Variants in ACER3 observed in about 807,000 individuals in gnomAD.
ACER3 encodes alkCDase 3.
Under a neutral mutation model 48.9 loss-of-function variants are expected in ACER3, and 16 were observed. That is an observed-to-expected ratio of 0.33 (90% confidence interval 0.22 to 0.50). The LOEUF is 0.50. Among genes scored for constraint, ACER3 ranks in the 20% least tolerant of loss-of-function variants. The pLI is 0.98. For synonymous variants in ACER3, 109 were observed against 107.8 expected, an observed-to-expected ratio of 1.01 and a Z score of -0.07; for missense variants, 227 against 326.0, an observed-to-expected ratio of 0.70 and a Z score of 2.34.
chr11:76,978,237 C>T (rs1948494730), intron 4 of ACER3, among the ~76,000 whole-genome samples: 1 of 152,236 alleles, frequency 6.6e-6, no homozygotes, highest in Admixed American at 6.5e-5. Flanking sequence ...GGGGGCCAGG[C>T]TGTCATTTCC....
In ACER3 at chr11:77,021,094, G is replaced by A. The variant is rs183692122; in HGVS notation, c.*767G>A. 1.1e-4 allele frequency: 17 copies of A among 152,346 alleles called. No individual in the cohort carries two copies. The highest frequency in any genetic ancestry group is 3.1e-4 in the African/African-American group (13 of 41,572). The allele number at this position is 152,346 out of a possible 1,614,324, so 9.4% of individuals were successfully genotyped here. A position where few individuals can be genotyped will look rare whatever the true frequency, so the allele number is the denominator to read the frequency against. ...AGCCAGCTCTGCTCTGATCTTTGCA[G>A]ATCTTTAAGTTGTCACTGTTTCTAC... On this transcript the variant is annotated 3_prime_UTR_variant, in exon 11 of 11. Transcript: ENST00000532485.
At chr11:76,895,628 TGA>T (rs1223749009) in intron 1 of ACER3, among the ~76,000 whole-genome samples, 3 of 152,178 alleles carry the variant, frequency 2.0e-5, no homozygotes, top group African/African-American at 7.2e-5. Context: ...ATTTGCAAAA[TGA>T]GGAAAATTGA....
chr11:76,974,801 A>G (rs1948399102), intron 3 of ACER3, among the ~76,000 whole-genome samples: 1 of 152,146 alleles, frequency 6.6e-6, no homozygotes, highest in Non-Finnish European at 1.5e-5. Flanking sequence ...ATTTTATGGT[A>G]TGTAAGTTAT....
chr11:76,912,150 C>T (rs370648556), intron 1 of ACER3, among the ~76,000 whole-genome samples: 4 of 152,144 alleles, frequency 2.6e-5, no homozygotes, highest in African/African-American at 9.7e-5. Flanking sequence ...ATTAAATCTA[C>T]TGGAATTAGA....
In ACER3 at chr11:76,875,107, C is replaced by CTTTTTTTTTTTTTTTTT. The variant is rs10676364; in HGVS notation, c.103+14038_103+14054dup. Among the ~76,000 whole-genome samples the CTTTTTTTTTTTTTTTTT allele has an allele frequency of 8.6e-4, 67 of 78,158 alleles. 18 individuals carry two copies. The highest frequency in any genetic ancestry group is 1.1e-3 in the African/African-American group (30 of 27,872). 51.3% of individuals were successfully genotyped at this position (78,158 alleles called of 152,430 possible). A position where few individuals can be genotyped will look rare whatever the true frequency, so the allele number is the denominator to read the frequency against. On this transcript the variant is annotated intron_variant, in intron 1 of 10. Coordinates refer to ENST00000532485, the MANE Select transcript of ACER3 (RefSeq NM_018367.7). ...TTCTAACATGGCATGAAAAGCACTT[C>CTTTTTTTTTTTTTTTTT]TTTTTTTTTTTTTTTTTTTTTTTTT...
intron 1 of ACER3, among the ~76,000 whole-genome samples, chr11:76,900,007 A>C (rs1946039896): frequency 6.6e-6 from 1 of 152,206 alleles, no homozygotes; most frequent in Non-Finnish European, 1.5e-5. Flanking sequence ...TCTTATAATA[A>C]AGTAAGTGAA....
intron 3 of ACER3, among the ~76,000 whole-genome samples, chr11:76,971,724 C>A (rs533280326): frequency 3.3e-5 from 5 of 152,132 alleles, no homozygotes; most frequent in Admixed American, 2.6e-4. Context: ...GTTATGGTAG[C>A]AAGACTGGTT....
intron 1 of ACER3, among the ~76,000 whole-genome samples, chr11:76,889,972 A>G (rs551153629): frequency 2.0e-4 from 30 of 151,992 alleles, no homozygotes; most frequent in Admixed American, 1.7e-3. Flanking sequence ...TAATTTCAGT[A>G]TATTTCATTT....
At chr11:77,011,427 T>G in intron 7 of ACER3, 1 of 953,686 alleles carries the variant, frequency 1.0e-6, no homozygotes, top group Non-Finnish European at 1.2e-6. Flanking sequence ...CCACTGATCA[T>G]ATTCCTGTCA....
intron 1 of ACER3, among the ~76,000 whole-genome samples, chr11:76,919,801 A>C: frequency 6.6e-6 from 1 of 152,300 alleles, no homozygotes; most frequent in East Asian, 1.9e-4. Flanking sequence ...AAAAAGGGGG[A>C]AATCCATTAT....
At chr11:76,867,488 AAAAAAAAAAG>A (rs1314876261) in intron 1 of ACER3, among the ~76,000 whole-genome samples, 7 of 123,938 alleles carry the variant, frequency 5.6e-5, no homozygotes, top group Admixed American at 2.4e-4. Flanking sequence ...AAAAAAAAAA[AAAAAAAAAAG>A]AAAGAAAAGT....
intron 1 of ACER3, among the ~76,000 whole-genome samples, chr11:76,910,428 C>G (rs1176729750): frequency 2.6e-5 from 4 of 151,996 alleles, no homozygotes; most frequent in African/African-American, 7.2e-5. Context: ...ATATTTCACC[C>G]TATCAGAATA....
chr11:77,000,913 A>C (rs560201041), intron 7 of ACER3, among the ~76,000 whole-genome samples: 1 of 152,208 alleles, frequency 6.6e-6, no homozygotes, highest in South Asian at 2.1e-4. Flanking sequence ...TTTCCATATA[A>C]AGTTTAGAAT....
intron 1 of ACER3, among the ~76,000 whole-genome samples, chr11:76,904,512 C>G (rs527308089): frequency 6.6e-6 from 1 of 152,268 alleles, no homozygotes; most frequent in Non-Finnish European, 1.5e-5. Flanking sequence ...CCCTCTGTCT[C>G]CCTAAATTGT....
intron 1 of ACER3, among the ~76,000 whole-genome samples, chr11:76,878,999 T>C (rs1012977226): frequency 5.9e-5 from 9 of 152,086 alleles, no homozygotes; most frequent in African/African-American, 2.2e-4. Context: ...TTTTGCCCAT[T>C]TAAAAAAATT....
chr11:76,883,438 C>CTTTTTTTTTTT (rs60656670), intron 1 of ACER3, among the ~76,000 whole-genome samples: 2 of 98,966 alleles, frequency 2.0e-5, no homozygotes, highest in Non-Finnish European at 1.9e-5. Context: ...GATTTTCTTG[C>CTTTTTTTTTTT]TTTTTTTTTT....
chr11:76,991,862 T>C (rs1948811599), intron 6 of ACER3, among the ~76,000 whole-genome samples: 1 of 151,748 alleles, frequency 6.6e-6, no homozygotes, highest in Non-Finnish European at 1.5e-5. Context: ...CCTCACTTTC[T>C]TGTTTATTGT....
chr11:77,010,899 G>C (rs1419575916), intron 7 of ACER3, among the ~76,000 whole-genome samples: 1 of 152,166 alleles, frequency 6.6e-6, no homozygotes, highest in African/African-American at 2.4e-5. Flanking sequence ...AAAATACAGA[G>C]AAAAATATGT....
intron 2 of ACER3, among the ~76,000 whole-genome samples, chr11:76,937,393 A>G (rs1947218715): frequency 1.3e-5 from 2 of 152,254 alleles, no homozygotes; most frequent in African/African-American, 4.8e-5. Context: ...TATGCCATCA[A>G]CAGTTCAAAA....
Sources: gnomAD v4.1 joint callset for allele counts (sites outside exome capture counted in the v4.1 genomes callset) on GRCh38, gnomAD v4.1.1 for gene constraint, MANE v1.5 for transcripts, NCBI Gene and HGNC (gene_info 2026-07-23, HGNC 2026-07-21) for gene names.